CIB3: variants seen among roughly 807,000 people sequenced by gnomAD.
The protein encoded by CIB3 is calcium and integrin-binding family member 3.
CIB3 carries 22 observed loss-of-function variants against 23.4 expected under a neutral mutation model. The ratio of observed to expected loss-of-function variants is 0.94; its 90% CI spans 0.67 to 1.34. The LOEUF (loss-of-function observed/expected upper bound fraction) is 1.34. CIB3 is among the 40% of genes most tolerant of loss of function. The pLI is 0.00. For missense variants in CIB3, 258 were observed against 247.3 expected, an observed-to-expected ratio of 1.04 and a Z score of -0.29; for synonymous variants, 93 against 95.8, an observed-to-expected ratio of 0.97 and a Z score of 0.17.
Position 16,168,282 on chromosome 19 carries a change from G to T in CIB3, c.201C>A (p.Asp67Glu), listed in dbSNP as rs143049093. The change falls in exon 4 of 6, where the codon GAC becomes GAA. Residue 67 changes from aspartate (D) to glutamate (E), a missense_variant and splice_region_variant. Coordinates refer to ENST00000269878, the MANE Select transcript of CIB3 (RefSeq NM_054113.4). Reference protein sequence around the residue: ...ELIGSMPELKDNPFRQRIAQV... With the variant: ...ELIGSMPELKENPFRQRIAQV... ...GGGCAATCCTCTGGCGGAAGGGGTT[G>T]TCCTGGGGACAGAAAGGAAGCTGGG... is the stretch of plus-strand genomic sequence containing the variant. The T allele has an allele frequency of 2.5e-5, 41 of 1,613,606 alleles. No individual in the cohort carries two copies. Among genetic ancestry groups the T allele is most frequent in the Middle Eastern group, 1.6e-4 (1 of 6,076 alleles).
intron 2 of CIB3, 120 bp downstream of exon 2, chr19:16,173,040 TTA>T (rs2091335829): frequency 1.2e-6 from 1 of 865,412 alleles, no homozygotes; most frequent in South Asian, 2.0e-5. Context: ...GAAAGACTAC[TTA>T]CACACACACA....
At position 16,173,499 on chromosome 19, in the gene CIB3, G is replaced by A. The variant is rs990507289; in HGVS notation, c.-24C>T. ...ATGGTGTGAACCACAGCCCAGACTTGGGGATGCACCCCAAAGGCTCCCAGC... is the reference window on the plus strand; with the variant it reads ...ATGGTGTGAACCACAGCCCAGACTTAGGGATGCACCCCAAAGGCTCCCAGC... On this transcript the variant is annotated 5_prime_UTR_variant, in exon 1 of 6. Coordinates refer to ENST00000269878, the MANE Select transcript of CIB3 (RefSeq NM_054113.4). 1 of 1,611,462 alleles carries A rather than the reference G, an allele frequency of 6.2e-7. No homozygotes were observed. The highest frequency in any genetic ancestry group is 8.5e-7 in the Non-Finnish European group (1 of 1,177,666).
rs369742114 is a variant in CIB3, at chr19:16,168,116, A to G, written c.346+21T>C. On this transcript the variant is annotated intron_variant, in intron 4 of 5. Transcript: ENST00000269878. Reference sequence around the variant, plus strand: ...CCCCACCCCATCCCCATGCTTCCCAACCCCAGGGCCACGCACGCACCATAA... The same window carrying G: ...CCCCACCCCATCCCCATGCTTCCCAGCCCCAGGGCCACGCACGCACCATAA... 115 of 1,594,714 alleles carry G rather than the reference A, an allele frequency of 7.2e-5. No individual in the cohort carries two copies. The African/African-American group carries it at 1.4e-3, about 19-fold the overall frequency.
intron 4 of CIB3, 40 bp from the exon 5 acceptor site, chr19:16,164,953 G>A (rs1272708604): frequency 6.3e-7 from 1 of 1,578,422 alleles, no homozygotes; most frequent in East Asian, 2.2e-5. Context: ...GCAGGTGGCA[G>A]GAGGGCTAGG....
At chr19:16,173,041 TACACACACACACACACACACAC>T in intron 2 of CIB3, 99 bp downstream of exon 2, 5 of 782,800 alleles carry the variant, frequency 6.4e-6, no homozygotes, top group East Asian at 2.8e-5. Context: ...AAAGACTACT[TACACACACACACACACACACAC>T]ACACACACAC....
chr19:16,170,591 C>T (rs926711563), intron 2 of CIB3, among the ~76,000 whole-genome samples: 14 of 152,122 alleles, frequency 9.2e-5, no homozygotes, highest in African/African-American at 1.4e-4. Context: ...GAGGCCGAGG[C>T]GGGTGGATCA....
Position 16,169,741 on chromosome 19 carries a change from C to G in CIB3, c.87G>C (p.Arg29Ser), listed in dbSNP as rs528406178. The change falls in exon 3 of 6, where the codon AGG becomes AGC. Residue 29 changes from arginine to serine, a missense_variant and splice_region_variant. Physicochemically the swap from Arg to Ser is moderately radical, Grantham distance 110 (BLOSUM62 -1). Transcript: ENST00000269878. ...CTFFTRKEIM[R>S]LFYRYQDLAP... ...CCAGGTCCTGGTAGCGATAGAAGAG[C>G]CTGATGTGGGGAGGAAAAAGCTGGG... The G allele has an allele frequency of 4.6e-5, 73 of 1,601,344 alleles. No individual in the cohort carries two copies. In the East Asian group the frequency reaches 1.5e-3, roughly 34 times the overall value.
intron 2 of CIB3, among the ~76,000 whole-genome samples, chr19:16,172,224 G>A (rs1034014543): frequency 1.8e-4 from 27 of 152,262 alleles, no homozygotes; most frequent in East Asian, 7.7e-4. Context: ...GCGTGATCTC[G>A]GCTCACTGCA....
intron 5 of CIB3, among the ~76,000 whole-genome samples, chr19:16,164,198 C>T (rs1224156679): frequency 6.6e-6 from 1 of 152,176 alleles, no homozygotes; most frequent in African/African-American, 2.4e-5. Flanking sequence ...TGGTCTCAAG[C>T]TCCTGGGGTC....
At chr19:16,164,613 G>C in intron 5 of CIB3, 105 bp downstream of exon 5, 6 of 1,101,714 alleles carry the variant, frequency 5.4e-6, no homozygotes, top group Non-Finnish European at 7.9e-6. Context: ...CCAAGGTCAT[G>C]AAAGAATGAA....
At chr19:16,173,079 CACACA>C (rs1338667347) in intron 2 of CIB3, 78 bp downstream of exon 2, 5 of 1,533,730 alleles carry the variant, frequency 3.3e-6, no homozygotes, top group African/African-American at 2.9e-5. Context: ...CACACACACA[CACACA>C]CCAAATTGCA....
chr19:16,171,164 T>G (rs985384988), intron 2 of CIB3, among the ~76,000 whole-genome samples: 10 of 132,934 alleles, frequency 7.5e-5, no homozygotes, highest in Non-Finnish European at 1.0e-4. Context: ...AAATAAAAAA[T>G]AAAAAAGAAA....
chr19:16,165,091 C>G (rs1395231895), intron 4 of CIB3, among the ~76,000 whole-genome samples, 178 bp from the exon 5 acceptor site: 1 of 151,976 alleles, frequency 6.6e-6, no homozygotes, highest in African/African-American at 2.4e-5. Context: ...GTCAGGAGTT[C>G]GAGACCAGCC....
chr19:16,164,297 G>A (rs2091296595), intron 5 of CIB3, among the ~76,000 whole-genome samples: 1 of 152,170 alleles, frequency 6.6e-6, no homozygotes, highest in South Asian at 2.1e-4. Flanking sequence ...TTCTTTGATT[G>A]TTTTTTGATC....
intron 5 of CIB3, 47 bp from the exon 6 acceptor site, chr19:16,161,533 C>A (rs2091284873): frequency 6.2e-7 from 1 of 1,608,458 alleles, no homozygotes; most frequent in Non-Finnish European, 8.5e-7. Flanking sequence ...GAGTGGACAA[C>A]CCCTTTTCCT....
chr19:16,167,058 A>G (rs2091308724), intron 4 of CIB3, among the ~76,000 whole-genome samples: 1 of 152,170 alleles, frequency 6.6e-6, no homozygotes, highest in Admixed American at 6.6e-5. Flanking sequence ...TCTACTAAAA[A>G]TACAAAAAAT....
intron 5 of CIB3, among the ~76,000 whole-genome samples, chr19:16,163,192 T>A (rs2145076359): frequency 6.6e-6 from 1 of 151,952 alleles, no homozygotes; most frequent in African/African-American, 2.4e-5. Context: ...AGCCGAGGAG[T>A]TAGAGGCTGC....
intron 2 of CIB3, among the ~76,000 whole-genome samples, 175 bp downstream of exon 2, chr19:16,172,987 G>T (rs1221527875): frequency 2.1e-5 from 3 of 144,542 alleles, no homozygotes; most frequent in Admixed American, 7.1e-5. Context: ...GGAAGGAAGG[G>T]AGGGAGGGAG....
chr19:16,163,654 A>T (rs1009484632), intron 5 of CIB3, among the ~76,000 whole-genome samples: 2 of 152,256 alleles, frequency 1.3e-5, no homozygotes, highest in African/African-American at 2.4e-5. Context: ...AGTGAAATTT[A>T]AAAATTATAA....
Sources: gnomAD v4.1 joint callset for allele counts (sites outside exome capture counted in the v4.1 genomes callset) on GRCh38, gnomAD v4.1.1 for gene constraint, MANE v1.5 for transcripts, NCBI Gene and HGNC (gene_info 2026-07-23, HGNC 2026-07-21) for gene names.